Variants in DLGAP1 observed in about 807,000 individuals in gnomAD.
DLGAP1 encodes DLG associated protein 1.
In DLGAP1, 11 loss-of-function variants were observed where a neutral mutation model predicts 90.8. That is an observed-to-expected ratio of 0.12 (90% confidence interval 0.08 to 0.20). The LOEUF (loss-of-function observed/expected upper bound fraction) is 0.20, where lower values mean the gene tolerates loss of function less well. DLGAP1 is among the 10% of genes least tolerant of loss of function. DLGAP1 has a pLI of 1.00. For missense variants in DLGAP1, 1,050 were observed against 1,333.8 expected (o/e 0.79, Z 3.31); for synonymous variants, 558 against 540.7 (o/e 1.03, Z -0.44).
At chr18:3,513,915 C>T (rs919193780) in intron 10 of DLGAP1, among the ~76,000 whole-genome samples, 3 of 152,124 alleles carry the variant, frequency 2.0e-5, no homozygotes, top group Admixed American at 2.0e-4. Flanking sequence ...AGAGAAAAAA[C>T]ACTTTCCTTT....
intron 1 of DLGAP1, among the ~76,000 whole-genome samples, chr18:4,171,446 T>C (rs751436987): frequency 3.0e-4 from 45 of 151,742 alleles, no homozygotes; most frequent in Admixed American, 7.2e-4. Context: ...GCGCCTGTAG[T>C]CCCAGCTACT....
chr18:3,808,675 A>G (rs1382334369), intron 5 of DLGAP1, among the ~76,000 whole-genome samples: 2 of 152,164 alleles, frequency 1.3e-5, no homozygotes, highest in African/African-American at 4.8e-5. Context: ...CGATGCTCCA[A>G]TCTTCATCCC....
intron 2 of DLGAP1, among the ~76,000 whole-genome samples, chr18:4,118,120 T>C (rs1170454671): frequency 6.6e-6 from 1 of 151,982 alleles, no homozygotes; most frequent in Non-Finnish European, 1.5e-5. Flanking sequence ...ACCATGGAGC[T>C]ATGAGTGCCT....
At chr18:4,338,527 T>C (rs576440352) in intron 1 of DLGAP1, among the ~76,000 whole-genome samples, 1 of 152,306 alleles carries the variant, frequency 6.6e-6, no homozygotes, top group South Asian at 2.1e-4. Context: ...CCTAAATGTG[T>C]ACTGAGTGCC....
At chr18:3,776,986 T>C (rs1324273924) in intron 5 of DLGAP1, among the ~76,000 whole-genome samples, 1 of 146,954 alleles carries the variant, frequency 6.8e-6, no homozygotes, top group East Asian at 2.0e-4. Context: ...AGAGACAGGG[T>C]CTCACTATGT....
At chr18:3,859,173 A>G (rs2069868151) in intron 4 of DLGAP1, among the ~76,000 whole-genome samples, 1 of 152,234 alleles carries the variant, frequency 6.6e-6, no homozygotes, top group Non-Finnish European at 1.5e-5. Flanking sequence ...TAACTATTTT[A>G]GAAGAGTATT....
At chr18:3,964,676 A>G (rs1366984549) in intron 3 of DLGAP1, among the ~76,000 whole-genome samples, 3 of 152,226 alleles carry the variant, frequency 2.0e-5, no homozygotes, top group African/African-American at 7.2e-5. Context: ...ATAAACTTCT[A>G]TACACGAAGG....
chr18:3,566,324 G>A (rs1256006643), intron 9 of DLGAP1, among the ~76,000 whole-genome samples: 1 of 151,838 alleles, frequency 6.6e-6, no homozygotes, highest in East Asian at 1.9e-4. Context: ...TTCCAGCATT[G>A]CATAATTATA....
chr18:4,170,275 G>A (rs1378348823), intron 1 of DLGAP1, among the ~76,000 whole-genome samples: 2 of 152,198 alleles, frequency 1.3e-5, no homozygotes, highest in Non-Finnish European at 2.9e-5. Context: ...TTTAGAATGG[G>A]ATTAATGGAG....
At chr18:4,011,320 T>C (rs759580061) in intron 2 of DLGAP1, among the ~76,000 whole-genome samples, 1 of 150,572 alleles carries the variant, frequency 6.6e-6, no homozygotes, top group Non-Finnish European at 1.5e-5. Context: ...TCAAGGGGGG[T>C]GCAGCCAGGC....
chr18:4,389,522 T>C (rs2082299187), intron 1 of DLGAP1, among the ~76,000 whole-genome samples: 1 of 152,226 alleles, frequency 6.6e-6, no homozygotes, highest in Admixed American at 6.5e-5. Context: ...CTGTGTAATT[T>C]ACTACAATGG....
chr18:3,631,453 TA>T (rs1011902850), intron 7 of DLGAP1, among the ~76,000 whole-genome samples: 4 of 152,188 alleles, frequency 2.6e-5, no homozygotes. Context: ...TTCTGTCTTT[TA>T]AAAAATATTC....
At chr18:3,859,330 C>G (rs760691661) in intron 4 of DLGAP1, among the ~76,000 whole-genome samples, 1 of 152,098 alleles carries the variant, frequency 6.6e-6, no homozygotes, top group Non-Finnish European at 1.5e-5. Flanking sequence ...ATCTTTCACA[C>G]CAAGTTTAAA....
At chr18:4,039,757 A>G (rs1231464563) in intron 2 of DLGAP1, among the ~76,000 whole-genome samples, 1 of 152,268 alleles carries the variant, frequency 6.6e-6, no homozygotes, top group East Asian at 1.9e-4. Context: ...ATATACAAAT[A>G]AAAGCAGTGA....
chr18:4,094,628 T>C (rs992515768), intron 2 of DLGAP1, among the ~76,000 whole-genome samples: 5 of 149,424 alleles, frequency 3.3e-5, no homozygotes. Context: ...TTTTTTGTCT[T>C]GTTTTGTCAC....
intron 3 of DLGAP1, among the ~76,000 whole-genome samples, chr18:3,990,080 C>G (rs1346229183): frequency 1.3e-5 from 2 of 152,106 alleles, no homozygotes; most frequent in African/African-American, 4.8e-5. Flanking sequence ...TGTGGTGATT[C>G]CTCAGGGATC....
intron 5 of DLGAP1, among the ~76,000 whole-genome samples, chr18:3,743,991 T>C (rs2063166215): frequency 6.6e-6 from 1 of 152,218 alleles, no homozygotes; most frequent in African/African-American, 2.4e-5. Flanking sequence ...ATGGTATTAG[T>C]GCGATTTTTC....
rs560935641 is a variant in DLGAP1, at chr18:4,155,211, A to C, written c.-266-3924T>G. Among the ~76,000 whole-genome samples the C allele has an allele frequency of 2.8e-3, 429 of 152,266 alleles. 1 individual carries two copies. The highest frequency in any genetic ancestry group is 4.4e-3 in the Non-Finnish European group (296 of 68,006). On this transcript the variant is annotated intron_variant, in intron 1 of 12. Transcript: ENST00000315677. The stretch of plus-strand genomic sequence containing the variant: ...TGTTCCTGGTTGGTCTTGGGATTGC[A>C]ATAAAGTCATGGGATGGAGTGAAGT...
At chr18:4,033,972 C>G (rs1006060931) in intron 2 of DLGAP1, among the ~76,000 whole-genome samples, 9 of 150,634 alleles carry the variant, frequency 6.0e-5, no homozygotes, top group Admixed American at 6.0e-4. Context: ...CTCCGGACCT[C>G]GTGATCTGCC....
Sources: allele counts gnomAD v4.1 joint callset (sites outside exome capture counted in the v4.1 genomes callset), GRCh38; gene constraint gnomAD v4.1.1; transcripts MANE v1.5; gene names NCBI Gene and HGNC (gene_info 2026-07-23, HGNC 2026-07-21).